The following THSD7A variants were observed in gnomAD, a reference collection of about 807,000 sequenced individuals.
THSD7A encodes the protein thrombospondin type 1 domain containing 7A.
In THSD7A, 96 loss-of-function variants were observed where a neutral mutation model predicts 231.3. The ratio of observed to expected loss-of-function variants is 0.41; its 90% CI spans 0.35 to 0.49. The LOEUF is 0.49. Ranked by LOEUF, THSD7A falls within the 20% of genes least tolerant of loss-of-function variation. The pLI, the probability that THSD7A is intolerant of heterozygous loss-of-function variation, is 0.05. For missense variants in THSD7A, 2,290 were observed against 2,070.2 expected (o/e 1.11, Z -2.06); for synonymous variants, 940 against 743.3 (o/e 1.26, Z -4.30).
At chr7:11,697,550 T>C (rs1780440791) in intron 1 of THSD7A, among the ~76,000 whole-genome samples, 1 of 151,316 alleles carries the variant, frequency 6.6e-6, no homozygotes, top group Non-Finnish European at 1.5e-5. Flanking sequence ...ATTATATTGA[T>C]AAACATTTTA....
chr7:11,736,674 G>C (rs993083976), intron 1 of THSD7A, among the ~76,000 whole-genome samples: 1 of 151,916 alleles, frequency 6.6e-6, no homozygotes, highest in Non-Finnish European at 1.5e-5. Flanking sequence ...AAAGGGCTAA[G>C]CATACCCTTG....
chr7:11,528,736 C>G (rs560429194), intron 6 of THSD7A, among the ~76,000 whole-genome samples: 7 of 152,266 alleles, frequency 4.6e-5, no homozygotes, highest in African/African-American at 1.7e-4. Context: ...CAAGCTATAG[C>G]ATGTTCCCTG....
intron 1 of THSD7A, among the ~76,000 whole-genome samples, chr7:11,695,756 A>C (rs542444971): frequency 1.8e-4 from 28 of 151,682 alleles, no homozygotes; most frequent in African/African-American, 6.7e-4. Context: ...ATTCTGAAAG[A>C]CAAGCTAAAT....
chr7:11,740,773 G>T (rs997924186), intron 1 of THSD7A, among the ~76,000 whole-genome samples: 1 of 151,858 alleles, frequency 6.6e-6, no homozygotes, highest in Non-Finnish European at 1.5e-5. Flanking sequence ...AGTATATTGT[G>T]TGTGCATTTG....
intron 16 of THSD7A, among the ~76,000 whole-genome samples, chr7:11,423,747 T>C (rs1562598366): frequency 1.3e-5 from 2 of 152,162 alleles, no homozygotes; most frequent in Non-Finnish European, 2.9e-5. Context: ...AGGCTGCCAC[T>C]TTACTAGATG....
chr7:11,559,089 G>A (rs1339260378), intron 4 of THSD7A, among the ~76,000 whole-genome samples: 1 of 152,128 alleles, frequency 6.6e-6, no homozygotes, highest in African/African-American at 2.4e-5. Flanking sequence ...TAGAAGCTGG[G>A]AACAGTCTCC....
intron 2 of THSD7A, among the ~76,000 whole-genome samples, chr7:11,628,243 T>C (rs970039507): frequency 1.3e-5 from 2 of 152,216 alleles, no homozygotes; most frequent in African/African-American, 2.4e-5. Flanking sequence ...AAGATCTTTA[T>C]AGGTTTCCAA....
chr7:11,567,599 G>A (rs1374924269), intron 4 of THSD7A, among the ~76,000 whole-genome samples: 1 of 152,146 alleles, frequency 6.6e-6, no homozygotes, highest in Non-Finnish European at 1.5e-5. Context: ...CCTGGAGAGG[G>A]TTTAAAACTA....
intron 17 of THSD7A, among the ~76,000 whole-genome samples, chr7:11,416,357 CATA>C (rs1783959219): frequency 6.6e-6 from 1 of 152,148 alleles, no homozygotes; most frequent in South Asian, 2.1e-4. Context: ...GGAATCTCTT[CATA>C]ATATGATATC....
chr7:11,743,037 T>C (rs1782164535), intron 1 of THSD7A, among the ~76,000 whole-genome samples: 1 of 151,898 alleles, frequency 6.6e-6, no homozygotes, highest in Non-Finnish European at 1.5e-5. Flanking sequence ...GTTCATTCAG[T>C]GGATAAAGAT....
At position 11,574,584 on chromosome 7, in the gene THSD7A, A is replaced by G. The variant is rs796898275; in HGVS notation, c.1453+15876T>C. On this transcript the variant is annotated intron_variant, in intron 4 of 27. Coordinates refer to ENST00000423059, the MANE Select transcript of THSD7A (RefSeq NM_015204.3). ...CGAGTAGCTGGGACTACAGGCGCCCACCACCACGCCCGGCTAATTTTTTTT... is the reference window on the plus strand; with the variant it reads ...CGAGTAGCTGGGACTACAGGCGCCCGCCACCACGCCCGGCTAATTTTTTTT... 1.5e-3 allele frequency among the ~76,000 whole-genome samples: 227 copies of G among 147,808 alleles called. 2 individuals carry two copies. Among genetic ancestry groups the G allele is most frequent in the African/African-American group, 5.0e-3 (201 of 40,304 alleles).
chr7:11,573,367 C>A (rs909116798), intron 4 of THSD7A, among the ~76,000 whole-genome samples: 6 of 151,352 alleles, frequency 4.0e-5, no homozygotes, highest in Admixed American at 6.6e-5. Flanking sequence ...TGTACCTTGT[C>A]CTAAAATTTC....
At chr7:11,603,542 G>A (rs1391147454) in intron 2 of THSD7A, among the ~76,000 whole-genome samples, 5 of 151,912 alleles carry the variant, frequency 3.3e-5, no homozygotes, top group East Asian at 3.9e-4. Context: ...ATACCCAAAG[G>A]ACTATAAATC....
At chr7:11,710,477 T>C (rs902340688) in intron 1 of THSD7A, among the ~76,000 whole-genome samples, 2 of 150,814 alleles carry the variant, frequency 1.3e-5, no homozygotes, top group African/African-American at 4.8e-5. Flanking sequence ...TGCAAAAACA[T>C]GCTGCAAAAT....
chr7:11,801,763 A>G (rs914494878), intron 1 of THSD7A, among the ~76,000 whole-genome samples: 2 of 152,188 alleles, frequency 1.3e-5, no homozygotes, highest in African/African-American at 4.8e-5. Flanking sequence ...GTATGTCGTA[A>G]TCATGTTTTT....
intron 11 of THSD7A, among the ~76,000 whole-genome samples, chr7:11,454,423 T>G (rs1785238846): frequency 1.3e-5 from 2 of 151,942 alleles, no homozygotes; most frequent in South Asian, 2.1e-4. Flanking sequence ...GCCCCTTGCC[T>G]CTAACTCACT....
intron 6 of THSD7A, among the ~76,000 whole-genome samples, chr7:11,524,369 G>T (rs1788388107): frequency 6.6e-6 from 1 of 152,072 alleles, no homozygotes; most frequent in South Asian, 2.1e-4. Flanking sequence ...ACAGAGCTTG[G>T]TATCTTTTTG....
chr7:11,480,226 C>T (rs748595296), intron 7 of THSD7A, among the ~76,000 whole-genome samples: 1 of 152,164 alleles, frequency 6.6e-6, no homozygotes, highest in East Asian at 1.9e-4. Flanking sequence ...AGAGCAATCA[C>T]AAATTTCTGC....
intron 6 of THSD7A, among the ~76,000 whole-genome samples, chr7:11,530,798 G>A (rs770570161): frequency 5.3e-5 from 8 of 152,084 alleles, no homozygotes; most frequent in Non-Finnish European, 8.8e-5. Flanking sequence ...ATCACTTGAG[G>A]TCAGGAGTTT....
Sources: allele counts gnomAD v4.1 joint callset (sites outside exome capture counted in the v4.1 genomes callset), GRCh38; gene constraint gnomAD v4.1.1; transcripts MANE v1.5; gene names NCBI Gene and HGNC (gene_info 2026-07-23, HGNC 2026-07-21).